ROS1: variants seen among roughly 807,000 people sequenced by gnomAD.
The protein encoded by ROS1 is proto-oncogene tyrosine-protein kinase ROS.
In ROS1, 263 loss-of-function variants were observed where a neutral mutation model predicts 273.5. The ratio of observed to expected loss-of-function variants is 0.96; its 90% confidence interval spans 0.87 to 1.06. The LOEUF (loss-of-function observed/expected upper bound fraction) is 1.06. ROS1 is among the 50% of genes least tolerant of loss of function. The pLI is 0.00. For missense variants in ROS1, 2,833 were observed against 2,751.1 expected, an observed-to-expected ratio of 1.03 and a Z score of -0.67; for synonymous variants, 1,008 against 954.1, an observed-to-expected ratio of 1.06 and a Z score of -1.04.
At chr6:117,404,512 C>T in intron 5 of ROS1, 84 bp from the exon 6 acceptor site, 2 of 1,272,592 alleles carry the variant, frequency 1.6e-6, no homozygotes, top group Non-Finnish European at 2.2e-6. Flanking sequence ...CTAGGGCTCT[C>T]CGTATTCTCT....
chr6:117,410,147 G>T (rs1774785986), intron 4 of ROS1, among the ~76,000 whole-genome samples: 3 of 152,234 alleles, frequency 2.0e-5, no homozygotes, highest in South Asian at 4.1e-4. Context: ...TATGTACAAT[G>T]ATATTCTATT....
rs189621852 is a variant in ROS1, at chr6:117,365,029, T to C, written c.3103+31A>G. 5,083 of 1,601,000 alleles carry C rather than the reference T, an allele frequency of 3.2e-3. 9 individuals carry two copies. The highest frequency in any genetic ancestry group is 3.9e-3 in the Non-Finnish European group (4,576 of 1,175,188). ...CATGAAAAGTGAGATTCTGCTTTTTTAAGAAAAAAGACAGATTTTAACCCC... is the reference window on the plus strand; with the variant it reads ...CATGAAAAGTGAGATTCTGCTTTTTCAAGAAAAAAGACAGATTTTAACCCC... On this transcript the variant is annotated intron_variant, in intron 21 of 43. Transcript: ENST00000368507.
rs969435497 is a variant in ROS1 at position 117,409,753 on chromosome 6, C to T, written c.256-111G>A. On this transcript the variant is annotated intron_variant, in intron 4 of 43. Transcript: ENST00000368507. ...GCCTAATATGCAAGTATATCTTTGACCAATATACGAGTAAATCTTTGAAAT... is the reference window on the plus strand; with the variant it reads ...GCCTAATATGCAAGTATATCTTTGATCAATATACGAGTAAATCTTTGAAAT... The T allele has an allele frequency of 3.8e-6, 3 of 781,964 alleles. No individual in the cohort carries two copies. The Admixed American group carries it at 5.8e-5, about 15-fold the overall frequency. 48.4% of individuals were successfully genotyped at this position (781,964 alleles called of 1,614,324 possible). A position where few individuals can be genotyped will look rare whatever the true frequency, so the allele number is the denominator to read the frequency against.
At chr6:117,352,479 G>T (rs1328599103) in intron 27 of ROS1, among the ~76,000 whole-genome samples, 3 of 151,936 alleles carry the variant, frequency 2.0e-5, no homozygotes, top group African/African-American at 7.3e-5. Flanking sequence ...TTTTAAAAAA[G>T]ATAAAAACTT....
Position 117,339,690 on chromosome 6 carries a change from T to G in ROS1, c.5061+1445A>C, listed in dbSNP as rs1285012769. Among the ~76,000 whole-genome samples, 4 of 152,162 alleles carry G rather than the reference T, an allele frequency of 2.6e-5. No individual in the cohort carries two copies. The East Asian group carries it at 7.7e-4, about 29-fold the overall frequency. On this transcript the variant is annotated intron_variant, in intron 31 of 43. Transcript: ENST00000368507. The stretch of plus-strand genomic sequence containing the variant: ...TCTTGTATTTGCAGCTTCATGATTT[T>G]CTAAATGGTCTGCCTGGAACCTGTG...
rs762243820 is a variant in ROS1 at position 117,359,994 on chromosome 6, G to A, written c.3448C>T (p.His1150Tyr). The change falls in exon 24 of 44, where the codon CAC becomes TAC. Residue 1150 changes from histidine to tyrosine, a missense_variant. Coordinates refer to ENST00000368507, the MANE Select transcript of ROS1 (RefSeq NM_001378902.1). ...TTGTTACCAAGAAGAGTTATGAGGT[G>A]AGGAAATGGGTTGATTTCTGAAAGC... ...STTSEINPFP[H>Y]LITLLGNKIV... 37 of 1,613,126 alleles carry A rather than the reference G, an allele frequency of 2.3e-5. No homozygotes were observed. The Admixed American group carries it at 5.3e-4, about 23-fold the overall frequency.
At chr6:117,299,896 T>C in intron 43 of ROS1, among the ~76,000 whole-genome samples, 1 of 151,426 alleles carries the variant, frequency 6.6e-6, no homozygotes, top group Non-Finnish European at 1.5e-5. Flanking sequence ...CTGTCCATTA[T>C]AGTAGAATGG....
At chr6:117,296,757 C>T (rs1774276552) in intron 43 of ROS1, among the ~76,000 whole-genome samples, 2 of 151,910 alleles carry the variant, frequency 1.3e-5, no homozygotes, top group South Asian at 4.2e-4. Flanking sequence ...AATAGGGTAA[C>T]TATAGTCAAT....
chr6:117,395,143 G>A (rs544242112), intron 9 of ROS1, among the ~76,000 whole-genome samples: 1 of 152,212 alleles, frequency 6.6e-6, no homozygotes, highest in East Asian at 1.9e-4. Flanking sequence ...TCTCTGTGTT[G>A]TCTTCAGTAT....
At chr6:117,338,678 T>G (rs1777666854) in intron 31 of ROS1, among the ~76,000 whole-genome samples, 1 of 152,084 alleles carries the variant, frequency 6.6e-6, no homozygotes, top group African/African-American at 2.4e-5. Context: ...TGTCAGGAGA[T>G]GTTTGACCAA....
Position 117,356,815 on chromosome 6 carries a change from T to G in ROS1, c.3940A>C (p.Asn1314His). 2 of 1,614,154 alleles carry G rather than the reference T, an allele frequency of 1.2e-6. No individual in the cohort carries two copies. The highest frequency in any genetic ancestry group is 1.7e-6 in the Non-Finnish European group (2 of 1,180,022). ...CATTGATTCCTTTTGTTTTGTTGGT[T>G]TGTAGCTGTGGGTTGCAGAATTCGG... ...LHRILQPTAT[N>H]QQNKRNQCSC... Residue 1314 changes from asparagine (N) to histidine (H), a missense_variant, in exon 26 of 44, where the codon AAC becomes CAC. Asn to His is a moderately conservative substitution (Grantham distance 68, BLOSUM62 1). Coordinates refer to ENST00000368507, the MANE Select transcript of ROS1 (RefSeq NM_001378902.1).
intron 32 of ROS1, among the ~76,000 whole-genome samples, chr6:117,331,306 G>A (rs1290525779): frequency 6.6e-6 from 1 of 152,066 alleles, no homozygotes; most frequent in Non-Finnish European, 1.5e-5. Context: ...AGAATGAAAA[G>A]GAATGAATAA....
At chr6:117,348,957 T>C (rs1377730829) in intron 27 of ROS1, among the ~76,000 whole-genome samples, 1 of 152,014 alleles carries the variant, frequency 6.6e-6, no homozygotes, top group Non-Finnish European at 1.5e-5. Context: ...TATTGTATGA[T>C]TTCTATTCTT....
intron 42 of ROS1, among the ~76,000 whole-genome samples, chr6:117,303,158 C>G (rs552286627): frequency 3.5e-4 from 53 of 152,286 alleles, no homozygotes; most frequent in Non-Finnish European, 6.9e-4. Context: ...TTATTATAAA[C>G]AAGTACTTGC....
At chr6:117,422,770 G>A (rs1775854582) in intron 1 of ROS1, among the ~76,000 whole-genome samples, 1 of 152,022 alleles carries the variant, frequency 6.6e-6, no homozygotes, top group Non-Finnish European at 1.5e-5. Flanking sequence ...GTTTGTAACA[G>A]CCTTTAACTG....
intron 1 of ROS1, among the ~76,000 whole-genome samples, chr6:117,424,569 A>G (rs1776000460): frequency 6.6e-6 from 1 of 152,034 alleles, no homozygotes; most frequent in Admixed American, 6.6e-5. Context: ...AAAAAACTAA[A>G]GCATGCAATT....
At chr6:117,394,987 A>G (rs573464482) in intron 9 of ROS1, among the ~76,000 whole-genome samples, 1 of 152,330 alleles carries the variant, frequency 6.6e-6, no homozygotes, top group Non-Finnish European at 1.5e-5. Context: ...CCCAGAAATG[A>G]CATCACATGA....
At chr6:117,414,037 A>AAAGC (rs1429133564) in intron 4 of ROS1, among the ~76,000 whole-genome samples, 17 of 152,134 alleles carry the variant, frequency 1.1e-4, no homozygotes, top group South Asian at 1.0e-3. Context: ...AGAAAGCAAG[A>AAAGC]AAGTAAGCAA....
intron 5 of ROS1, among the ~76,000 whole-genome samples, chr6:117,405,924 T>C (rs1774362338): frequency 6.6e-6 from 1 of 152,232 alleles, no homozygotes; most frequent in South Asian, 2.1e-4. Context: ...TGTATAACTC[T>C]GAGGACAAAA....
Sources: allele counts gnomAD v4.1 joint callset (sites outside exome capture counted in the v4.1 genomes callset), GRCh38; gene constraint gnomAD v4.1.1; transcripts MANE v1.5; gene names NCBI Gene and HGNC (gene_info 2026-07-23, HGNC 2026-07-21).